Variants in GET4 observed in about 807,000 individuals in gnomAD.
GET4 encodes the protein guided entry of tail-anchored proteins factor 4, also known as Golgi to ER traffic protein 4 homolog.
Under a neutral mutation model 40.0 loss-of-function variants are expected in GET4, and 20 were observed. The observed-to-expected ratio is 0.50, with a 90% CI of 0.35 to 0.73. The LOEUF (loss-of-function observed/expected upper bound fraction) is 0.73, where lower values mean the gene tolerates loss of function less well. GET4 is among the 30% of genes least tolerant of loss of function. The probability of loss-of-function intolerance (pLI) is 0.01; values close to 1 mark genes in which losing one functional copy is unlikely to be tolerated. For synonymous variants in GET4, 280 were observed against 194.6 expected (o/e 1.44, Z -3.65); for missense variants, 557 against 454.0 (o/e 1.23, Z -2.06).
intron 1 of GET4, chr7:880,381 A>ATTT (rs1844060041): frequency 6.6e-6 from 1 of 152,246 alleles, no homozygotes; most frequent in Non-Finnish European, 1.5e-5. Flanking sequence ...ACCAGCAAAA[A>ATTT]TGGATCTCCC....
At chr7:888,125 G>A (rs73042471) in intron 4 of GET4, among the ~76,000 whole-genome samples, 19,355 of 152,224 alleles carry the variant, frequency 0.13, 1,518 homozygotes, top group Non-Finnish European at 0.16. Context: ...GCCGTCAGGC[G>A]TCAGGAGGCC....
At chr7:892,110 C>T (rs1191675136) in intron 5 of GET4, among the ~76,000 whole-genome samples, 168 bp from the exon 6 acceptor site, 1 of 152,266 alleles carries the variant, frequency 6.6e-6, no homozygotes, top group Non-Finnish European at 1.5e-5. Context: ...CCCTGGTGTG[C>T]CCTGCACATG....
chr7:884,314 G>T, intron 1 of GET4: 2 of 1,304,148 alleles, frequency 1.5e-6, no homozygotes, highest in Non-Finnish European at 2.0e-6. Flanking sequence ...CTCTGAGTCA[G>T]TCATGTCCCT....
chr7:888,096 G>A (rs1844231439), intron 4 of GET4, among the ~76,000 whole-genome samples: 1 of 152,222 alleles, frequency 6.6e-6, no homozygotes. Flanking sequence ...CACCAGCGCT[G>A]TGAGATGGTT....
chr7:876,913 C>G, intron 1 of GET4, 113 bp downstream of exon 1: 1 of 453,110 alleles, frequency 2.2e-6, no homozygotes, highest in Non-Finnish European at 3.0e-6. Flanking sequence ...GTCGCGGGGG[C>G]GAGCTGGACC....
In GET4 at chr7:876,714, C is replaced by A; in HGVS notation, c.69C>A (p.Val23=). The part of the protein sequence containing the change: ...ARNGGRNRGG[V]QRVEGKLRAS... Reference sequence around the variant, plus strand: ...ACGGCGGCCGCAACCGCGGCGGCGTCCAGCGTGTGGAGGGCAAGCTGCGCG... The same window carrying A: ...ACGGCGGCCGCAACCGCGGCGGCGTACAGCGTGTGGAGGGCAAGCTGCGCG... Residue 23 remains valine, a synonymous_variant, in exon 1 of 9, where the codon GTC becomes GTA. Coordinates refer to ENST00000265857, the MANE Select transcript of GET4 (RefSeq NM_015949.3). 7.3e-7 allele frequency: 1 copy of A among 1,370,710 alleles called. No individual in the cohort carries two copies. The highest frequency in any genetic ancestry group is 9.6e-7 in the Non-Finnish European group (1 of 1,046,970). 84.9% of individuals were successfully genotyped at this position (1,370,710 alleles called of 1,614,324 possible).
At chr7:887,909 T>TAATC (rs1185833754) in intron 4 of GET4, among the ~76,000 whole-genome samples, 1 of 152,142 alleles carries the variant, frequency 6.6e-6, no homozygotes, top group African/African-American at 2.4e-5. Flanking sequence ...TTGCGGGGAT[T>TAATC]AATCACCCTG....
chr7:879,112 G>A (rs1844032996), intron 1 of GET4, among the ~76,000 whole-genome samples: 1 of 152,202 alleles, frequency 6.6e-6, no homozygotes, highest in African/African-American at 2.4e-5. Context: ...GCTGGGCCTA[G>A]ATTTTAAATA....
At chr7:893,237 GGT>G (rs1343812904) in intron 6 of GET4, among the ~76,000 whole-genome samples, 1 of 139,044 alleles carries the variant, frequency 7.2e-6, no homozygotes, top group Non-Finnish European at 1.5e-5. Flanking sequence ...TGGGCGTGGT[GGT>G]GTGTGCAGGT....
At chr7:894,763 A>G (rs1466772990) in intron 8 of GET4, among the ~76,000 whole-genome samples, 1 of 152,214 alleles carries the variant, frequency 6.6e-6, no homozygotes, top group Non-Finnish European at 1.5e-5. Flanking sequence ...TTTGTATTCA[A>G]AGAACACGGT....
intron 8 of GET4, among the ~76,000 whole-genome samples, chr7:894,249 TC>T (rs1410841917): frequency 6.6e-6 from 1 of 151,784 alleles, no homozygotes; most frequent in Non-Finnish European, 1.5e-5. Context: ...GGCTGCGTGC[TC>T]CCCCGTCTCT....
intron 1 of GET4, among the ~76,000 whole-genome samples, chr7:878,666 C>T (rs1206420778): frequency 6.6e-6 from 1 of 150,914 alleles, no homozygotes; most frequent in Non-Finnish European, 1.5e-5. Flanking sequence ...GCAACCTCCA[C>T]CTCCCGAGTT....
At chr7:892,690 AGTGTGGGTGTGTGCAGGTGTGGGGTG>A (rs1292138130) in intron 6 of GET4, among the ~76,000 whole-genome samples, 2 of 144,396 alleles carry the variant, frequency 1.4e-5, no homozygotes, top group Non-Finnish European at 3.0e-5. Flanking sequence ...GGCCTCTGGT[AGTGTGGGTGTGTGCAGGTGTGGGGTG>A]GTGTGGGTGC....
Position 878,976 on chromosome 7 carries a change from A to ACC in GET4, c.155+2184_155+2185dup, listed in dbSNP as rs11294677. ...TTGGACAGCCTCCTGCCCCACAGAC[A>ACC]CCCCCCCCCGAGTAGAGTCCCTCAG... On this transcript the variant is annotated intron_variant, in intron 1 of 8. Transcript: ENST00000265857. Among the ~76,000 whole-genome samples the ACC allele has an allele frequency of 3.3e-3, 499 of 149,808 alleles. 6 individuals carry two copies. Among genetic ancestry groups the ACC allele is most frequent in the South Asian group, 0.012 (55 of 4,718 alleles).
chr7:884,046 C>T (rs1844138937), intron 1 of GET4: 1 of 1,170,258 alleles, frequency 8.5e-7, no homozygotes, highest in Admixed American at 3.7e-5. Context: ...CCAGAGCAGG[C>T]TCCTCGTGCA....
chr7:891,922 C>A (rs1844331941), intron 5 of GET4, among the ~76,000 whole-genome samples: 1 of 152,258 alleles, frequency 6.6e-6, no homozygotes, highest in Admixed American at 6.5e-5. Context: ...CGGCACCCAC[C>A]AGCTGCTGGG....
chr7:876,917 C>T, intron 1 of GET4, 117 bp downstream of exon 1: 1 of 439,900 alleles, frequency 2.3e-6, no homozygotes. Flanking sequence ...CGGGGGCGAG[C>T]TGGACCCAGG....
intron 8 of GET4, among the ~76,000 whole-genome samples, chr7:894,406 G>T (rs1844421327): frequency 2.0e-5 from 3 of 152,188 alleles, no homozygotes; most frequent in Non-Finnish European, 2.9e-5. Flanking sequence ...GGCACCGCGG[G>T]AGAGGCCCCT....
intron 8 of GET4, 47 bp downstream of exon 8, chr7:894,018 G>A (rs748978046): frequency 6.0e-6 from 8 of 1,341,504 alleles, no homozygotes; most frequent in African/African-American, 1.5e-5. Flanking sequence ...CTGGGTCGGT[G>A]TGGGGTCATC....
Sources: gnomAD v4.1 joint callset for allele counts (sites outside exome capture counted in the v4.1 genomes callset) on GRCh38, gnomAD v4.1.1 for gene constraint, MANE v1.5 for transcripts, NCBI Gene and HGNC (gene_info 2026-07-23, HGNC 2026-07-21) for gene names.